TRIM16: variants seen among roughly 807,000 people sequenced by gnomAD.
TRIM16 encodes the protein tripartite motif-containing protein 16.
A neutral mutation model predicts 50.4 loss-of-function variants in TRIM16; 33 were observed. That is an observed-to-expected ratio of 0.65 (90% CI 0.50 to 0.88). TRIM16 has a LOEUF of 0.88. TRIM16 is among the 40% of genes least tolerant of loss of function. The pLI, the probability that TRIM16 is intolerant of heterozygous loss-of-function variation, is 0.00. For synonymous variants in TRIM16, 229 were observed against 270.7 expected (o/e 0.85, Z 1.51); for missense variants, 581 against 686.8 (o/e 0.85, Z 1.72).
In TRIM16 at chr17:15,628,723, T is replaced by C. The variant is rs773885414; in HGVS notation, c.1587A>G (p.Pro529=). 4 of 1,614,176 alleles carry C rather than the reference T, an allele frequency of 2.5e-6. No individual in the cohort carries two copies. The highest frequency in any genetic ancestry group is 3.4e-6 in the Non-Finnish European group (4 of 1,180,024). ...VHKFACKFSE[P]VYAAFWLSKK... ...TGGAAAGCCAGAAGGCAGCATAGACTGGTTCTGAAAATTTGCAGGCAAACT... is the reference window on the plus strand; with the variant it reads ...TGGAAAGCCAGAAGGCAGCATAGACCGGTTCTGAAAATTTGCAGGCAAACT... Residue 529 remains proline, a synonymous_variant, in exon 12 of 12, where the codon CCA becomes CCG. Coordinates refer to ENST00000649191, the MANE Select transcript of TRIM16 (RefSeq NM_001348119.1).
At chr17:15,667,449 A>G (rs1273421200) in intron 6 of TRIM16, among the ~76,000 whole-genome samples, 1 of 152,228 alleles carries the variant, frequency 6.6e-6, no homozygotes, top group Non-Finnish European at 1.5e-5. Context: ...ACTTTATAAC[A>G]TTCTAAGTAA....
At chr17:15,672,035 C>T (rs1373132293) in intron 6 of TRIM16, among the ~76,000 whole-genome samples, 3 of 152,064 alleles carry the variant, frequency 2.0e-5, no homozygotes, top group Admixed American at 1.3e-4. Context: ...AATATCTCTT[C>T]CTGCAATCCT....
intron 6 of TRIM16, among the ~76,000 whole-genome samples, chr17:15,655,451 G>A (rs1987929592): frequency 6.6e-6 from 1 of 152,136 alleles, no homozygotes; most frequent in Admixed American, 6.5e-5. Flanking sequence ...AGCAGTTCAT[G>A]GGAGTGCTCA....
chr17:15,646,924 G>A lies in TRIM16; in HGVS notation c.520-4108C>T, dbSNP rs71358345. On this transcript the variant is annotated intron_variant, in intron 7 of 11. Coordinates refer to ENST00000649191, the MANE Select transcript of TRIM16 (RefSeq NM_001348119.1). Reference sequence around the variant, plus strand: ...TGGGAGAATAAGAAAAACAAGTTACGTAATACTGAGTCCTGGGCATTCCCC... The same window carrying A: ...TGGGAGAATAAGAAAAACAAGTTACATAATACTGAGTCCTGGGCATTCCCC... Among the ~76,000 whole-genome samples, 581 of 151,576 alleles carry A rather than the reference G, an allele frequency of 3.8e-3. 3 individuals carry two copies. Among genetic ancestry groups the A allele is most frequent in the African/African-American group, 0.012 (498 of 41,264 alleles).
intron 6 of TRIM16, among the ~76,000 whole-genome samples, chr17:15,673,205 T>G (rs1392748354): frequency 6.6e-6 from 1 of 152,238 alleles, no homozygotes; most frequent in Non-Finnish European, 1.5e-5. Context: ...TGACAGACAC[T>G]CTTATAGACG....
chr17:15,667,424 A>G (rs1988544068), intron 6 of TRIM16, among the ~76,000 whole-genome samples: 1 of 152,136 alleles, frequency 6.6e-6, no homozygotes. Context: ...TTATATCTCA[A>G]CTCTCGAGTA....
At chr17:15,678,978 C>T (rs1414017670) in intron 4 of TRIM16, among the ~76,000 whole-genome samples, 1 of 150,150 alleles carries the variant, frequency 6.7e-6, no homozygotes, top group Non-Finnish European at 1.5e-5. Flanking sequence ...CATGTTTAAG[C>T]GATTCTCCTG....
chr17:15,673,924 A>G (rs1367640012), intron 6 of TRIM16, among the ~76,000 whole-genome samples: 2 of 152,194 alleles, frequency 1.3e-5, no homozygotes, highest in East Asian at 1.9e-4. Flanking sequence ...TTGGGATTGC[A>G]TAATAGTTAC....
chr17:15,631,538 G>C, intron 11 of TRIM16, 81 bp downstream of exon 11: 2 of 1,330,830 alleles, frequency 1.5e-6, no homozygotes, highest in South Asian at 1.3e-5. Context: ...CTGAAACCTA[G>C]ATGAGAGATG....
chr17:15,638,712 G>A (rs1986973114), intron 8 of TRIM16, among the ~76,000 whole-genome samples: 1 of 148,678 alleles, frequency 6.7e-6, no homozygotes, highest in African/African-American at 2.5e-5. Flanking sequence ...GAAGGAGAGA[G>A]GGAGAGAGGG....
chr17:15,635,333 T>C (rs1986679504), intron 9 of TRIM16, among the ~76,000 whole-genome samples: 1 of 148,944 alleles, frequency 6.7e-6, no homozygotes, highest in Non-Finnish European at 1.5e-5. Context: ...AACCTAGTGT[T>C]CCTTCCTCGA....
intron 8 of TRIM16, among the ~76,000 whole-genome samples, chr17:15,637,355 A>G (rs1337738745): frequency 3.0e-5 from 3 of 99,916 alleles, no homozygotes; most frequent in African/African-American, 5.0e-5. Flanking sequence ...TGGGGGGGTC[A>G]GCCCCCCTAC....
chr17:15,681,080 C>T lies in TRIM16; in HGVS notation c.-678-127G>A, dbSNP rs917701883. On this transcript the variant is annotated intron_variant, in intron 3 of 11. Coordinates refer to ENST00000649191, the MANE Select transcript of TRIM16 (RefSeq NM_001348119.1). ...GCTGTCCATAGCTTGAAGGATTTTA[C>T]AGACATCTATGTAATGAGACTTCAA... 10 of 824,576 alleles carry T rather than the reference C, an allele frequency of 1.2e-5. No homozygotes were observed. The African/African-American group carries it at 1.4e-4, about 12-fold the overall frequency. 51.1% of individuals were successfully genotyped at this position (824,576 alleles called of 1,614,324 possible). A position where few individuals can be genotyped will look rare whatever the true frequency, so the allele number is the denominator to read the frequency against.
chr17:15,679,130 C>T (rs1386840576), intron 4 of TRIM16, among the ~76,000 whole-genome samples: 1 of 152,118 alleles, frequency 6.6e-6, no homozygotes, highest in East Asian at 1.9e-4. Context: ...CCGCCCACCT[C>T]GGCCTCCCAA....
rs1258937145 is a variant in TRIM16 at position 15,680,855 on chromosome 17, C to A, written c.-590+10G>T. The stretch of plus-strand genomic sequence containing the variant: ...AAATTTCCAAGAAGAGAGGAAAATC[C>A]CCAACTCACCTGGGACTCTGCTGTC... On this transcript the variant is annotated intron_variant, in intron 4 of 11. Transcript: ENST00000649191. The A allele has an allele frequency of 6.5e-7, 1 of 1,532,944 alleles. No homozygotes were observed. The highest frequency in any genetic ancestry group is 8.8e-7 in the Non-Finnish European group (1 of 1,142,304). The allele number at this position is 1,532,944 out of a possible 1,614,324, so 95.0% of individuals were successfully genotyped here.
At position 15,651,750 on chromosome 17, in the gene TRIM16, T is replaced by C; in HGVS notation, c.-141A>G. On this transcript the variant is annotated 5_prime_UTR_variant, in exon 7 of 12. Transcript: ENST00000649191. Reference sequence around the variant, plus strand: ...CTGTTTCCTCCCTCCCAGAGGAAGCTCGGCCACTCATTACTGTGTGCTGGC... The same window carrying C: ...CTGTTTCCTCCCTCCCAGAGGAAGCCCGGCCACTCATTACTGTGTGCTGGC... 1.3e-6 allele frequency: 2 copies of C among 1,514,220 alleles called. No individual in the cohort carries two copies. The highest frequency in any genetic ancestry group is 1.8e-6 in the Non-Finnish European group (2 of 1,136,946). The allele number at this position is 1,514,220 out of a possible 1,614,324, so 93.8% of individuals were successfully genotyped here.
intron 1 of TRIM16, chr17:15,683,750 A>G (rs547757537): frequency 2.6e-5 from 4 of 153,362 alleles, no homozygotes; most frequent in African/African-American, 4.8e-5. Flanking sequence ...CGCTCACATC[A>G]GAGCAATACC....
chr17:15,652,148 T>TTA, intron 6 of TRIM16: 1 of 177,852 alleles, frequency 5.6e-6, no homozygotes, highest in Non-Finnish European at 1.0e-5. Flanking sequence ...TTCTTTTCTT[T>TTA]TCTTTTTTTT....
At chr17:15,683,191 C>T in intron 1 of TRIM16, 34 bp from the exon 2 acceptor site, 1 of 1,453,316 alleles carries the variant, frequency 6.9e-7, no homozygotes, top group Admixed American at 2.1e-5. Context: ...AAGTTTTCCC[C>T]TTTTTCATTG....
Sources: gnomAD v4.1 joint callset for allele counts (sites outside exome capture counted in the v4.1 genomes callset) on GRCh38, gnomAD v4.1.1 for gene constraint, MANE v1.5 for transcripts, NCBI Gene and HGNC (gene_info 2026-07-23, HGNC 2026-07-21) for gene names.